Variants in CSMD1 observed in about 807,000 individuals in gnomAD.
The protein encoded by CSMD1 is CUB and Sushi multiple domains 1.
Under a neutral mutation model 417.5 loss-of-function variants are expected in CSMD1, and 213 were observed. That is an observed-to-expected ratio of 0.51 (90% CI 0.46 to 0.57). CSMD1 has a LOEUF of 0.57. CSMD1 is among the 20% of genes least tolerant of loss of function. CSMD1 has a pLI of 0.00. For synonymous variants in CSMD1, 2,862 were observed against 1,736.8 expected, an observed-to-expected ratio of 1.65 and a Z score of -16.11; for missense variants, 6,923 against 4,529.7, an observed-to-expected ratio of 1.53 and a Z score of -15.17.
At chr8:4,448,596 T>A (rs913726015) in intron 2 of CSMD1, among the ~76,000 whole-genome samples, 1 of 152,180 alleles carries the variant, frequency 6.6e-6, no homozygotes, top group Non-Finnish European at 1.5e-5. Flanking sequence ...AATTTTAAAG[T>A]CTTAGTATCA....
intron 3 of CSMD1, among the ~76,000 whole-genome samples, chr8:4,202,567 C>A (rs1412800697): frequency 1.3e-5 from 2 of 152,172 alleles, no homozygotes; most frequent in Non-Finnish European, 2.9e-5. Context: ...ACAAATTACT[C>A]CTGTATTCAT....
chr8:4,797,120 T>C (rs894446126), intron 1 of CSMD1, among the ~76,000 whole-genome samples: 7 of 152,162 alleles, frequency 4.6e-5, no homozygotes, highest in African/African-American at 9.7e-5. Context: ...ACAGATGTGA[T>C]TGCAGAGGCC....
chr8:4,417,313 A>T (rs1349972427), intron 3 of CSMD1, among the ~76,000 whole-genome samples: 1 of 152,026 alleles, frequency 6.6e-6, no homozygotes, highest in Non-Finnish European at 1.5e-5. Flanking sequence ...ATGTGTGAAT[A>T]ATAGTTTATG....
At chr8:3,185,386 C>G (rs980544921) in intron 36 of CSMD1, among the ~76,000 whole-genome samples, 2 of 152,156 alleles carry the variant, frequency 1.3e-5, no homozygotes, top group Non-Finnish European at 2.9e-5. Flanking sequence ...ATTAGTAAGG[C>G]ATTTCCCTGC....
intron 8 of CSMD1, among the ~76,000 whole-genome samples, chr8:3,593,678 A>C (rs1445724047): frequency 1.3e-5 from 2 of 152,222 alleles, no homozygotes; most frequent in African/African-American, 4.8e-5. Flanking sequence ...GAAATTACCA[A>C]TCACAGTACA....
At chr8:3,298,714 A>G (rs762997398) in intron 25 of CSMD1, among the ~76,000 whole-genome samples, 2 of 152,200 alleles carry the variant, frequency 1.3e-5, no homozygotes, top group Non-Finnish European at 2.9e-5. Context: ...TCAGCCTCCC[A>G]AAGTGCTAGG....
intron 26 of CSMD1, among the ~76,000 whole-genome samples, chr8:3,274,756 C>A (rs1475361244): frequency 6.6e-6 from 1 of 152,074 alleles, no homozygotes; most frequent in Non-Finnish European, 1.5e-5. Context: ...GCAACCCCTG[C>A]CTTTTTTTGT....
At chr8:3,178,438 C>A (rs955046115) in intron 37 of CSMD1, among the ~76,000 whole-genome samples, 3 of 151,890 alleles carry the variant, frequency 2.0e-5, no homozygotes, top group Admixed American at 6.6e-5. Flanking sequence ...CCTTTGGTGT[C>A]ATTGTTTGTA....
chr8:4,181,846 T>C (rs1177711684), intron 3 of CSMD1, among the ~76,000 whole-genome samples: 2 of 152,166 alleles, frequency 1.3e-5, no homozygotes, highest in Non-Finnish European at 2.9e-5. Context: ...ACAAATAAAA[T>C]GATAAATTCT....
chr8:4,149,412 T>C (rs1796449636), intron 3 of CSMD1, among the ~76,000 whole-genome samples: 1 of 152,230 alleles, frequency 6.6e-6, no homozygotes, highest in Non-Finnish European at 1.5e-5. Flanking sequence ...GCCATAGCTC[T>C]GAGCAATATT....
chr8:3,365,997 T>A (rs575704254), intron 20 of CSMD1, among the ~76,000 whole-genome samples: 5 of 152,298 alleles, frequency 3.3e-5, no homozygotes, highest in South Asian at 4.1e-4. Flanking sequence ...TCAACTATTG[T>A]GACACATAAT....
At chr8:3,384,076 G>C (rs1211674804) in intron 18 of CSMD1, among the ~76,000 whole-genome samples, 1 of 152,118 alleles carries the variant, frequency 6.6e-6, no homozygotes, top group Non-Finnish European at 1.5e-5. Context: ...TGAAAGCGAA[G>C]TGTGGAGTCC....
At chr8:3,495,333 T>C (rs531212553) in intron 10 of CSMD1, among the ~76,000 whole-genome samples, 1 of 152,336 alleles carries the variant, frequency 6.6e-6, no homozygotes, top group East Asian at 1.9e-4. Context: ...TCCTGACTTG[T>C]TTAAAGTTCT....
chr8:4,138,320 G>C (rs942830326), intron 3 of CSMD1, among the ~76,000 whole-genome samples: 3 of 150,378 alleles, frequency 2.0e-5, no homozygotes, highest in African/African-American at 7.4e-5. Flanking sequence ...TCAGAGTTGA[G>C]ATTTACACAT....
chr8:4,641,361 T>C (rs2130868438), intron 1 of CSMD1, among the ~76,000 whole-genome samples: 1 of 152,126 alleles, frequency 6.6e-6, no homozygotes, highest in African/African-American at 2.4e-5. Context: ...AATCAGAGAG[T>C]TAGTTTTTTT....
chr8:4,696,222 G>C (rs1203476197), intron 1 of CSMD1, among the ~76,000 whole-genome samples: 2 of 152,172 alleles, frequency 1.3e-5, no homozygotes, highest in Non-Finnish European at 2.9e-5. Context: ...TCAGTCTATG[G>C]ACATGACAGA....
At chr8:4,379,179 C>T (rs894449505) in intron 3 of CSMD1, among the ~76,000 whole-genome samples, 1 of 152,242 alleles carries the variant, frequency 6.6e-6, no homozygotes, top group African/African-American at 2.4e-5. Flanking sequence ...CTGATTTATT[C>T]TGTAGTATTC....
intron 1 of CSMD1, among the ~76,000 whole-genome samples, chr8:4,841,772 G>T (rs964939762): frequency 4.0e-5 from 6 of 151,740 alleles, no homozygotes; most frequent in African/African-American, 1.5e-4. Flanking sequence ...TTAGCTGGGC[G>T]TGGTGGCACA....
chr8:3,935,623 G>C (rs569943811), intron 5 of CSMD1, among the ~76,000 whole-genome samples: 15 of 152,128 alleles, frequency 9.9e-5, no homozygotes, highest in African/African-American at 3.6e-4. Context: ...AATTGTTTGG[G>C]GGCCCCATAT....
Sources: gnomAD v4.1 joint callset for allele counts (sites outside exome capture counted in the v4.1 genomes callset) on GRCh38, gnomAD v4.1.1 for gene constraint, MANE v1.5 for transcripts, NCBI Gene and HGNC (gene_info 2026-07-23, HGNC 2026-07-21) for gene names.